Variants in MYRIP observed in about 807,000 individuals in gnomAD.
The protein encoded by MYRIP is myosin VIIA and Rab interacting protein.
A neutral mutation model predicts 98.0 loss-of-function variants in MYRIP; 49 were observed. The ratio of observed to expected loss-of-function variants is 0.50; its 90% CI spans 0.40 to 0.63. The LOEUF is 0.63. Ranked by LOEUF, MYRIP falls within the 30% of genes least tolerant of loss-of-function variation. MYRIP has a pLI of 0.00. For missense variants in MYRIP, 1,004 were observed against 1,058.2 expected, an observed-to-expected ratio of 0.95 and a Z score of 0.71; for synonymous variants, 404 against 409.5, an observed-to-expected ratio of 0.99 and a Z score of 0.16.
chr3:39,991,751 A>G (rs1315982959), intron 2 of MYRIP, among the ~76,000 whole-genome samples: 1 of 152,114 alleles, frequency 6.6e-6, no homozygotes, highest in African/African-American at 2.4e-5. Flanking sequence ...GCAGCACTCC[A>G]GGTGTCCCCT....
At position 40,044,170 on chromosome 3, in the gene MYRIP, C is replaced by A; in HGVS notation, c.231C>A (p.Thr77=). The A allele has an allele frequency of 1.2e-6, 2 of 1,614,180 alleles. No individual in the cohort carries two copies. Among genetic ancestry groups the A allele is most frequent in the Non-Finnish European group, 1.7e-6 (2 of 1,180,018 alleles). ...CGCCCTTCACCTTCCTCGTCAACAC[C>A]AAGCGCCAGTGTGGAGATTGCAAAT... ...CCSPFTFLVN[T]KRQCGDCKFN... is the part of the protein sequence containing the mutation. The change falls in exon 3 of 17, where the codon ACC becomes ACA. Residue 77 remains threonine, a synonymous_variant. Coordinates refer to ENST00000302541, the MANE Select transcript of MYRIP (RefSeq NM_015460.4).
chr3:39,985,197 C>A (rs1946002216), intron 2 of MYRIP, among the ~76,000 whole-genome samples: 1 of 150,594 alleles, frequency 6.6e-6, no homozygotes, highest in African/African-American at 2.4e-5. Context: ...TGAGTGAACT[C>A]CCATTCACAA....
chr3:40,162,811 G>A lies in MYRIP; in HGVS notation c.550+1G>A. 1 of 1,613,638 alleles carries A rather than the reference G, an allele frequency of 6.2e-7. No homozygotes were observed. On this transcript the variant is annotated splice_donor_variant, in intron 5 of 16. Coordinates refer to ENST00000302541, the MANE Select transcript of MYRIP (RefSeq NM_015460.4). LOFTEE classifies it high-confidence loss of function. ...TCAACATTTTATAGGCAGTCAGAAG[G>A]TAAAGTTGCTTAAGAGTTTACAGCT...
intron 2 of MYRIP, among the ~76,000 whole-genome samples, chr3:39,995,151 G>A (rs969410846): frequency 3.9e-5 from 6 of 152,144 alleles, no homozygotes; most frequent in Non-Finnish European, 5.9e-5. Context: ...CCAAAGGAAC[G>A]GAGCTCCTCA....
Position 40,210,095 on chromosome 3 carries a change from T to A in MYRIP, c.1905+2T>A. On this transcript the variant is annotated splice_donor_variant, in intron 11 of 16. Coordinates refer to ENST00000302541, the MANE Select transcript of MYRIP (RefSeq NM_015460.4). LOFTEE classifies it high-confidence loss of function. ...AGTGTCCAGGAAGAGCTGAAGAAGG[T>A]AAGGGCTGTGAAGCCACCTGCAGAC... 3 of 1,613,354 alleles carry A rather than the reference T, an allele frequency of 1.9e-6. No individual in the cohort carries two copies. Among genetic ancestry groups the A allele is most frequent in the Non-Finnish European group, 2.5e-6 (3 of 1,179,714 alleles).
At chr3:39,941,391 G>T (rs1036244391) in intron 2 of MYRIP, among the ~76,000 whole-genome samples, 2 of 151,886 alleles carry the variant, frequency 1.3e-5, no homozygotes, top group Non-Finnish European at 2.9e-5. Context: ...CTCCTACTGG[G>T]CCCCACCTCC....
rs71091779 is a variant in MYRIP, at chr3:39,919,727, T to TGAGAGAGA, written c.110+18816_110+18823dup. 1.2e-3 allele frequency among the ~76,000 whole-genome samples: 146 copies of TGAGAGAGA among 123,482 alleles called. 1 individual carries two copies. The South Asian group carries it at 0.035, about 30-fold the overall frequency. The allele number at this position is 123,482 out of a possible 152,430, so 81.0% of individuals were successfully genotyped here. On this transcript the variant is annotated intron_variant, in intron 2 of 16. Coordinates refer to ENST00000302541, the MANE Select transcript of MYRIP (RefSeq NM_015460.4). Reference sequence around the variant, plus strand: ...GTGTGTGTGTGTGTGTGTGTGTGTGTGAGAGAGAGAGAGAGAGAGAGAAAT... The same window carrying TGAGAGAGA: ...GTGTGTGTGTGTGTGTGTGTGTGTGTGAGAGAGAGAGAGAGAGAGAGAGAGAGAGAAAT...
intron 2 of MYRIP, among the ~76,000 whole-genome samples, chr3:39,994,026 G>T (rs1458970961): frequency 6.6e-6 from 1 of 152,204 alleles, no homozygotes; most frequent in African/African-American, 2.4e-5. Flanking sequence ...CAGAGGCACA[G>T]AACTTATAAA....
intron 5 of MYRIP, chr3:40,163,051 T>G: frequency 2.5e-6 from 1 of 400,642 alleles, no homozygotes. Flanking sequence ...ATGGATACTT[T>G]ACAGTCAACT....
intron 13 of MYRIP, among the ~76,000 whole-genome samples, chr3:40,244,932 C>T (rs1646182234): frequency 6.6e-6 from 1 of 152,200 alleles, no homozygotes; most frequent in Admixed American, 6.5e-5. Flanking sequence ...CCTTTTCTGA[C>T]CCTTGTCACA....
intron 1 of MYRIP, among the ~76,000 whole-genome samples, chr3:39,827,222 C>G (rs1288082967): frequency 6.6e-6 from 1 of 152,170 alleles, no homozygotes; most frequent in African/African-American, 2.4e-5. Flanking sequence ...AAATGATCCT[C>G]CCACCTCAAC....
At chr3:40,158,071 C>G (rs1414640200) in intron 4 of MYRIP, among the ~76,000 whole-genome samples, 2 of 151,994 alleles carry the variant, frequency 1.3e-5, no homozygotes, top group African/African-American at 4.8e-5. Flanking sequence ...TTTTCTAGTT[C>G]TTTTAATTGT....
intron 3 of MYRIP, among the ~76,000 whole-genome samples, chr3:40,073,666 A>G (rs1948277285): frequency 6.6e-6 from 1 of 152,218 alleles, no homozygotes; most frequent in Non-Finnish European, 1.5e-5. Context: ...TCTTATTAGC[A>G]TGTAGCTATA....
intron 16 of MYRIP, among the ~76,000 whole-genome samples, chr3:40,256,921 C>A (rs954027903): frequency 1.1e-4 from 16 of 152,166 alleles, no homozygotes; most frequent in Admixed American, 8.5e-4. Flanking sequence ...CTGTGCCCAT[C>A]ACACACAGGC....
At chr3:40,028,189 C>A (rs975410551) in intron 2 of MYRIP, among the ~76,000 whole-genome samples, 1 of 152,090 alleles carries the variant, frequency 6.6e-6, no homozygotes, top group Non-Finnish European at 1.5e-5. Flanking sequence ...TCAGAGCTGG[C>A]GTGGTGATAG....
At chr3:39,889,124 T>C (rs1274337820) in intron 1 of MYRIP, among the ~76,000 whole-genome samples, 1 of 152,196 alleles carries the variant, frequency 6.6e-6, no homozygotes, top group Non-Finnish European at 1.5e-5. Context: ...AGTGTGGCGA[T>C]TCCTCAGGGA....
intron 2 of MYRIP, among the ~76,000 whole-genome samples, chr3:40,007,716 T>C (rs1187122103): frequency 6.6e-6 from 1 of 152,226 alleles, no homozygotes; most frequent in Non-Finnish European, 1.5e-5. Context: ...TTGGCTTAGA[T>C]GATTATGAAA....
At chr3:39,977,393 C>G (rs552566830) in intron 2 of MYRIP, among the ~76,000 whole-genome samples, 1 of 152,098 alleles carries the variant, frequency 6.6e-6, no homozygotes, top group Non-Finnish European at 1.5e-5. Context: ...AATTCACATG[C>G]CCCCCAGTTG....
At chr3:40,231,151 GC>G (rs1559467238) in intron 11 of MYRIP, among the ~76,000 whole-genome samples, 1 of 152,354 alleles carries the variant, frequency 6.6e-6, no homozygotes, top group Non-Finnish European at 1.5e-5. Context: ...CCAGCTGGAA[GC>G]TGGTTCCCTT....
Sources: allele counts gnomAD v4.1 joint callset (sites outside exome capture counted in the v4.1 genomes callset), GRCh38; gene constraint gnomAD v4.1.1; transcripts MANE v1.5; gene names NCBI Gene and HGNC (gene_info 2026-07-23, HGNC 2026-07-21).